Variants in FHIT observed in about 807,000 individuals in gnomAD.
FHIT encodes the protein bis(5'-adenosyl)-triphosphatase.
In FHIT, 19 loss-of-function variants were observed where a neutral mutation model predicts 17.9. The observed-to-expected ratio is 1.06, with a 90% CI of 0.74 to 1.56. FHIT has a LOEUF of 1.56. Among genes scored for constraint, FHIT ranks in the 40% most tolerant of loss-of-function variants. The pLI is 0.00. For synonymous variants in FHIT, 81 were observed against 69.7 expected (o/e 1.16, Z -0.81); for missense variants, 248 against 189.2 (o/e 1.31, Z -1.82).
chr3:61,232,950 G>A (rs890874444), intron 1 of FHIT, among the ~76,000 whole-genome samples: 9 of 152,276 alleles, frequency 5.9e-5, no homozygotes, highest in South Asian at 4.1e-4. Flanking sequence ...GGAAAATAAC[G>A]TACATACATA....
chr3:59,959,018 A>G (rs1277057297), intron 7 of FHIT, among the ~76,000 whole-genome samples: 8 of 152,194 alleles, frequency 5.3e-5, no homozygotes, highest in Non-Finnish European at 1.0e-4. Context: ...AAACAAGAAG[A>G]GATCACTGCT....
At chr3:60,202,748 C>A (rs1401431139) in intron 5 of FHIT, among the ~76,000 whole-genome samples, 1 of 152,166 alleles carries the variant, frequency 6.6e-6, no homozygotes, top group Admixed American at 6.5e-5. Context: ...GGCCAAGAAT[C>A]ATCAACTTTG....
chr3:60,652,727 CAA>C (rs782637479), intron 4 of FHIT, among the ~76,000 whole-genome samples: 171 of 58,980 alleles, frequency 2.9e-3, no homozygotes, highest in Middle Eastern at 0.014. Context: ...GACTCCATCT[CAA>C]AAAAAAAAAA....
At chr3:60,397,875 C>T (rs1251049356) in intron 5 of FHIT, among the ~76,000 whole-genome samples, 2 of 152,120 alleles carry the variant, frequency 1.3e-5, no homozygotes, top group African/African-American at 2.4e-5. Context: ...CTGCCACGCC[C>T]ACCTTTGAGT....
In FHIT at chr3:60,393,666, G is replaced by GT. The variant is rs894187957; in HGVS notation, c.103+143193dup. On this transcript the variant is annotated intron_variant, in intron 5 of 9. Transcript: ENST00000492590. ...TCCATCATATTTTATTTCTTCCTAC[G>GT]TTTTTTTTATTTAAATAAATTGTCA... Among the ~76,000 whole-genome samples the GT allele has an allele frequency of 1.1e-4, 17 of 151,426 alleles. No homozygotes were observed. In the South Asian group the frequency reaches 1.9e-3, roughly 17 times the overall value.
rs181319091 is a variant in FHIT, at chr3:60,447,618, G to A, written c.103+89242C>T. Among the ~76,000 whole-genome samples the A allele has an allele frequency of 1.1e-3, 171 of 152,146 alleles. 1 individual carries two copies. Among genetic ancestry groups the A allele is most frequent in the Non-Finnish European group, 1.9e-3 (128 of 68,012 alleles). On this transcript the variant is annotated intron_variant, in intron 5 of 9. Transcript: ENST00000492590. The stretch of plus-strand genomic sequence containing the variant: ...GAGATGCTCTAGATAAATATTTGAT[G>A]GTAGATGGACACTAGGCAGAGGAAT...
rs772577522 is a variant in FHIT at position 59,752,204 on chromosome 3, C to T, written c.*5+17G>A. 4.2e-5 allele frequency: 67 copies of T among 1,588,480 alleles called. No individual in the cohort carries two copies. The highest frequency in any genetic ancestry group is 1.4e-4 in the Admixed American group (8 of 58,946). ...GCCCACGGGAGGGTCTGGGTAATGA[C>T]GAAATGCAGTCTTTACCTGTGTCAC... On this transcript the variant is annotated intron_variant, in intron 9 of 9. Coordinates refer to ENST00000492590, the MANE Select transcript of FHIT (RefSeq NM_002012.4).
At chr3:59,950,959 C>T (rs961856055) in intron 7 of FHIT, among the ~76,000 whole-genome samples, 3 of 152,170 alleles carry the variant, frequency 2.0e-5, no homozygotes, top group Admixed American at 2.0e-4. Flanking sequence ...TGTTTTGGCC[C>T]TAACCACTTT....
At chr3:60,125,465 C>G (rs2107240366) in intron 5 of FHIT, among the ~76,000 whole-genome samples, 1 of 152,080 alleles carries the variant, frequency 6.6e-6, no homozygotes, top group East Asian at 1.9e-4. Flanking sequence ...AACCCCATCT[C>G]TACTAAAAAT....
chr3:60,328,448 C>A (rs536524843), intron 5 of FHIT, among the ~76,000 whole-genome samples: 1 of 152,264 alleles, frequency 6.6e-6, no homozygotes, highest in East Asian at 1.9e-4. Context: ...TCTGACATGA[C>A]AGCAAGCAAG....
chr3:60,595,534 T>C (rs2038236885), intron 4 of FHIT, among the ~76,000 whole-genome samples: 1 of 150,278 alleles, frequency 6.7e-6, no homozygotes, highest in Non-Finnish European at 1.5e-5. Context: ...CACACACACA[T>C]ATATATGTGT....
intron 2 of FHIT, among the ~76,000 whole-genome samples, chr3:61,187,510 C>A (rs981604204): frequency 6.6e-5 from 10 of 152,110 alleles, no homozygotes; most frequent in Non-Finnish European, 1.3e-4. Context: ...CTGTCAACAT[C>A]ACACAGATCA....
intron 5 of FHIT, among the ~76,000 whole-genome samples, chr3:60,380,380 A>G (rs1700747651): frequency 6.6e-6 from 1 of 152,220 alleles, no homozygotes; most frequent in Non-Finnish European, 1.5e-5. Context: ...GAAGCTGAAC[A>G]GATGTTGGTG....
At chr3:60,920,010 G>A (rs915338304) in intron 3 of FHIT, among the ~76,000 whole-genome samples, 4 of 151,922 alleles carry the variant, frequency 2.6e-5, no homozygotes, top group Admixed American at 1.3e-4. Context: ...CTCCAGCCTG[G>A]GCGACAGAGC....
intron 8 of FHIT, among the ~76,000 whole-genome samples, chr3:59,766,730 G>C (rs1011788884): frequency 6.6e-6 from 1 of 152,188 alleles, no homozygotes; most frequent in African/African-American, 2.4e-5. Context: ...AGGCTTTGCA[G>C]CTCTGTCTCC....
chr3:61,225,544 C>A (rs527997756), intron 1 of FHIT, among the ~76,000 whole-genome samples: 30 of 152,202 alleles, frequency 2.0e-4, no homozygotes, highest in Non-Finnish European at 4.0e-4. Context: ...AAAGTTCCAT[C>A]AAAGCTTAAT....
At chr3:60,327,419 C>T (rs866818495) in intron 5 of FHIT, among the ~76,000 whole-genome samples, 2 of 152,060 alleles carry the variant, frequency 1.3e-5, no homozygotes, top group Admixed American at 6.6e-5. Flanking sequence ...GCTCTGACAC[C>T]GTAGAGCAAA....
intron 5 of FHIT, among the ~76,000 whole-genome samples, chr3:60,533,843 T>G (rs241698): frequency 0.52 from 79,504 of 151,998 alleles, 21,229 homozygotes; most frequent in East Asian, 0.61. Flanking sequence ...CTTATTGGTT[T>G]ATTAACAAGG....
At position 59,778,613 on chromosome 3, in the gene FHIT, C is replaced by G. The variant is rs188041294; in HGVS notation, c.349-26292G>C. On this transcript the variant is annotated intron_variant, in intron 8 of 9. Transcript: ENST00000492590. ...GATCATACACAGACTTGGCTGTGTT[C>G]CGATAAAACTTTATTTACAAAGACA... 1.5e-4 allele frequency among the ~76,000 whole-genome samples: 23 copies of G among 152,242 alleles called. No individual in the cohort carries two copies. In the East Asian group the frequency reaches 4.3e-3, roughly 28 times the overall value.
Sources: gnomAD v4.1 joint callset for allele counts (sites outside exome capture counted in the v4.1 genomes callset) on GRCh38, gnomAD v4.1.1 for gene constraint, MANE v1.5 for transcripts, NCBI Gene and HGNC (gene_info 2026-07-23, HGNC 2026-07-21) for gene names.